The following DIDO1 variants were observed in gnomAD, a reference collection of about 807,000 sequenced individuals.
DIDO1 encodes the protein death-inducer obliterator 1.
Under a neutral mutation model 99.4 loss-of-function variants are expected in DIDO1, and 16 were observed. The observed-to-expected ratio is 0.16, with a 90% CI of 0.11 to 0.24. The LOEUF (loss-of-function observed/expected upper bound fraction) is 0.24, where lower values mean the gene tolerates loss of function less well. Ranked by LOEUF, DIDO1 falls within the 10% of genes least tolerant of loss-of-function variation. DIDO1 has a pLI of 1.00. For synonymous variants in DIDO1, 1,366 were observed against 1,239.1 expected, an observed-to-expected ratio of 1.10 and a Z score of -2.15; for missense variants, 2,996 against 3,014.0, an observed-to-expected ratio of 0.99 and a Z score of 0.14.
At chr20:62,904,266 A>T (rs1192880708) in intron 6 of DIDO1, among the ~76,000 whole-genome samples, 1 of 152,212 alleles carries the variant, frequency 6.6e-6, no homozygotes, top group Non-Finnish European at 1.5e-5. Flanking sequence ...AGCTCTGTAG[A>T]ACTGCTCTAT....
rs757663746 is a variant in DIDO1 at position 62,906,073 on chromosome 20, T to G, written c.1402A>C (p.Lys468Gln). 6.2e-7 allele frequency: 1 copy of G among 1,612,826 alleles called. No homozygotes were observed. The highest frequency in any genetic ancestry group is 2.2e-5 in the East Asian group (1 of 44,870). Residue 468 changes from lysine to glutamine, a missense_variant, in exon 6 of 16, where the codon AAG becomes CAG. Physicochemically the swap from Lys to Gln is moderately conservative, Grantham distance 53. Transcript: ENST00000395343. ...QAGIKISSVHKRPAPEKKETT... is the reference protein window; with the variant it reads ...QAGIKISSVHQRPAPEKKETT... ...TCTTTTTTTTCTGGAGCTGGTCTCT[T>G]GTGCACAGAAGAGATTTTAATACCT...
chr20:62,891,047 T>C lies in DIDO1; in HGVS notation c.3454A>G (p.Asn1152Asp). 1.9e-6 allele frequency: 3 copies of C among 1,614,124 alleles called. No individual in the cohort carries two copies. Among genetic ancestry groups the C allele is most frequent in the East Asian group, 2.2e-5 (1 of 44,888 alleles). The change falls in exon 15 of 16, where the codon AAC becomes GAC. Residue 1152 changes from asparagine (N) to aspartate (D), a missense_variant. Around this residue, in one of 5 missense-constraint regions of DIDO1, gnomAD observed 135 missense variants for 202.3 expected, o/e 0.67. Transcript: ENST00000395343. ...TAGAGGTCCTTGACGTGCCTGTTGT[T>C]ATTAGCTACAACACCAAAGCGGCCA... ...SRGRFGVVAN[N>D]NRHVKDLYLI...
rs1185839802 is a variant in DIDO1, at chr20:62,926,434, C to T, written c.-200+5G>A. 1 of 99,186 alleles carries T rather than the reference C, an allele frequency of 1.0e-5. No homozygotes were observed. Among genetic ancestry groups the T allele is most frequent in the Non-Finnish European group, 2.3e-5 (1 of 42,802 alleles). The allele number at this position is 99,186 out of a possible 1,614,324, so 6.1% of individuals were successfully genotyped here. On this transcript the variant is annotated splice_donor_5th_base_variant and intron_variant, in intron 1 of 15. Coordinates refer to ENST00000395343, the MANE Select transcript of DIDO1 (RefSeq NM_001193369.2). ...CCGGCGCCCGGGACGCCACTTACCG[C>T]AGGCCGCAGGCCTCTAGGGTCTCGC...
In DIDO1 at chr20:62,926,484, G is replaced by A. The variant is rs995069193; in HGVS notation, c.-245C>T. The A allele has an allele frequency of 6.6e-6, 1 of 151,726 alleles. No homozygotes were observed. Among genetic ancestry groups the A allele is most frequent in the Non-Finnish European group, 1.5e-5 (1 of 67,880 alleles). 9.4% of individuals were successfully genotyped at this position (151,726 alleles called of 1,614,324 possible). On this transcript the variant is annotated 5_prime_UTR_variant, in exon 1 of 16. Coordinates refer to ENST00000395343, the MANE Select transcript of DIDO1 (RefSeq NM_001193369.2). ...CAGCCATTTCCCCGAACGCCGCGGA[G>A]TGGGCGGACGGCCACCGAGATGGCG...
At chr20:62,905,519 C>T (rs983879909) in intron 6 of DIDO1, 1 of 1,550,788 alleles carries the variant, frequency 6.4e-7, no homozygotes, top group Admixed American at 2.0e-5. Context: ...AACTCATGTG[C>T]AGACAGGGGT....
At chr20:62,934,407 ATGAGCTTAGGACTTC>A (rs1351417097) in intron 1 of DIDO1, among the ~76,000 whole-genome samples, 10 of 152,194 alleles carry the variant, frequency 6.6e-5, no homozygotes, top group Middle Eastern at 3.4e-3. Context: ...CACATGCAAA[ATGAGCTTAGGACTTC>A]TGACCTCCCT....
chr20:62,926,662 G>A (rs185164335), upstream of DIDO1, among the ~76,000 whole-genome samples: 871 of 152,252 alleles, frequency 5.7e-3, 6 homozygotes, highest in African/African-American at 0.02. Flanking sequence ...CGCGCCCTTC[G>A]GGTCTGCACT....
At chr20:62,900,294 G>A (rs779355521) in intron 6 of DIDO1, among the ~76,000 whole-genome samples, 27 of 152,368 alleles carry the variant, frequency 1.8e-4, no homozygotes, top group Middle Eastern at 3.4e-3. Flanking sequence ...TGTTGCTGCC[G>A]GGTCTGGGTT....
chr20:62,936,319 C>T (rs1166659886), intron 1 of DIDO1, among the ~76,000 whole-genome samples: 2 of 151,762 alleles, frequency 1.3e-5, no homozygotes, highest in Non-Finnish European at 2.9e-5. Context: ...CTTGGGAGGC[C>T]GAGGTGGGTG....
chr20:62,902,981 T>C (rs2064717012), intron 6 of DIDO1, among the ~76,000 whole-genome samples: 1 of 152,026 alleles, frequency 6.6e-6, no homozygotes. Flanking sequence ...GTCAGGTACA[T>C]CTCAGAAAAA....
Position 62,919,712 on chromosome 20 carries a change from G to A in DIDO1, c.-199-5306C>T, listed in dbSNP as rs139244065. ...AAAACTTGTTACTGAAAAACCTGCT[G>A]AGGACTAATGCTTTGGCCAGCCCCC... On this transcript the variant is annotated intron_variant, in intron 1 of 15. Transcript: ENST00000395343. 1.4e-4 allele frequency among the ~76,000 whole-genome samples: 21 copies of A among 152,368 alleles called. No homozygotes were observed. The East Asian group carries it at 3.7e-3, about 27-fold the overall frequency.
At position 62,881,329 on chromosome 20, in the gene DIDO1, C is replaced by T. The variant is rs2064201917; in HGVS notation, c.4627G>A (p.Asp1543Asn). The change falls in exon 16 of 16, where the codon GAC (aspartate) becomes AAC (asparagine). Residue 1543 changes from aspartate (D) to asparagine (N), a missense_variant. Physicochemically the swap from Asp to Asn is conservative, Grantham distance 23. Transcript: ENST00000395343. The surrounding 1 kb of genome is among the most constrained non-coding windows in gnomAD (Gnocchi z 8.3). ...ELFQQEQQSA[D>N]KPASLPPASQ... is the part of the protein sequence containing the mutation. Reference sequence around the variant, plus strand: ...GCGGGGGGCAGTGAGGCGGGCTTGTCTGCAGACTGCTGCTCTTGCTGGAAC... The same window carrying T: ...GCGGGGGGCAGTGAGGCGGGCTTGTTTGCAGACTGCTGCTCTTGCTGGAAC... 1.2e-6 allele frequency: 2 copies of T among 1,604,600 alleles called. No homozygotes were observed. The highest frequency in any genetic ancestry group is 1.7e-6 in the Non-Finnish European group (2 of 1,179,902).
intron 6 of DIDO1, among the ~76,000 whole-genome samples, chr20:62,901,691 G>T (rs1365926183): frequency 6.6e-6 from 1 of 151,934 alleles, no homozygotes; most frequent in Non-Finnish European, 1.5e-5. Context: ...TTCCAGGTTT[G>T]CGGCAAATGA....
In DIDO1 at chr20:62,905,909, G is replaced by A. The variant is rs376248217; in HGVS notation, c.1566C>T (p.Pro522=). Residue 522 remains proline (P), a synonymous_variant, in exon 6 of 16, where the codon CCC becomes CCT. Coordinates refer to ENST00000395343, the MANE Select transcript of DIDO1 (RefSeq NM_001193369.2). ...NAVKPEKTAA[P]SPSLLYKSTK... ...TACATTTATACAACAGTGACGGCGA[G>A]GGAGCAGCAGTCTTTTCTGGCTTTA... The A allele has an allele frequency of 2.5e-6, 4 of 1,614,036 alleles. No individual in the cohort carries two copies. The highest frequency in any genetic ancestry group is 2.7e-5 in the African/African-American group (2 of 74,918).
At chr20:62,913,077 T>C (rs778879037) in intron 2 of DIDO1, among the ~76,000 whole-genome samples, 2 of 152,222 alleles carry the variant, frequency 1.3e-5, no homozygotes, top group Non-Finnish European at 2.9e-5. Flanking sequence ...ACTTGCAACC[T>C]GTAACCTGTG....
At chr20:62,908,621 T>C (rs534846697) in intron 4 of DIDO1, among the ~76,000 whole-genome samples, 6 of 152,292 alleles carry the variant, frequency 3.9e-5, no homozygotes, top group African/African-American at 1.4e-4. Flanking sequence ...TTTAACATAA[T>C]CAGTTTTCCT....
intron 1 of DIDO1, among the ~76,000 whole-genome samples, chr20:62,933,896 A>G (rs62200661): frequency 0.028 from 4,328 of 152,268 alleles, 77 homozygotes; most frequent in African/African-American, 0.041. Flanking sequence ...AGATTAATAT[A>G]CCTTTAGCAC....
At position 62,894,322 on chromosome 20, in the gene DIDO1, T is replaced by C; in HGVS notation, c.2572+91A>G. 6.3e-7 allele frequency: 1 copy of C among 1,584,138 alleles called. No individual in the cohort carries two copies. The highest frequency in any genetic ancestry group is 8.6e-7 in the Non-Finnish European group (1 of 1,165,786). On this transcript the variant is annotated intron_variant, in intron 11 of 15. Transcript: ENST00000395343. The surrounding 1 kb of genome is among the most constrained non-coding windows in gnomAD (Gnocchi z 4.4). ...TCTGGCCCTTCTGCGTGTTTAAGCT[T>C]ACGTGCGGTTGCTTTTAGGAGGTTC... is the stretch of plus-strand genomic sequence containing the variant.
At chr20:62,897,433 C>T (rs1287385546) in intron 6 of DIDO1, among the ~76,000 whole-genome samples, 1 of 152,220 alleles carries the variant, frequency 6.6e-6, no homozygotes, top group African/African-American at 2.4e-5. Flanking sequence ...AAAACAGGCT[C>T]TCTTAGCCCG....
Sources: allele counts gnomAD v4.1 joint callset (sites outside exome capture counted in the v4.1 genomes callset), GRCh38; gene constraint gnomAD v4.1.1; regional missense constraint gnomAD v4.1.1; non-coding constraint Gnocchi (gnomAD v3.1); transcripts MANE v1.5; gene names NCBI Gene and HGNC (gene_info 2026-07-23, HGNC 2026-07-21).